KCNK10: variants seen among roughly 807,000 people sequenced by gnomAD.
KCNK10 encodes potassium two pore domain channel subfamily K member 10.
Under a neutral mutation model 47.7 loss-of-function variants are expected in KCNK10, and 25 were observed. The observed-to-expected ratio is 0.52, with a 90% CI of 0.38 to 0.73. KCNK10 has a LOEUF of 0.73. KCNK10 is among the 30% of genes least tolerant of loss of function. The pLI is 0.00. For synonymous variants in KCNK10, 303 were observed against 285.6 expected, an observed-to-expected ratio of 1.06 and a Z score of -0.61; for missense variants, 563 against 714.5, an observed-to-expected ratio of 0.79 and a Z score of 2.42.
In KCNK10 at chr14:88,323,219, C is replaced by T. The variant is rs1888588319; in HGVS notation, c.-421G>A. 5 of 1,030,912 alleles carry T rather than the reference C, an allele frequency of 4.9e-6. No homozygotes were observed. Among genetic ancestry groups the T allele is most frequent in the Non-Finnish European group, 5.8e-6 (5 of 857,170 alleles). 63.9% of individuals were successfully genotyped at this position (1,030,912 alleles called of 1,614,324 possible). The stretch of plus-strand genomic sequence containing the variant: ...ACTCCAGCCCCCGAAGGCGTGTGCG[C>T]ACACACTCCCGCACACACACACCCG... On this transcript the variant is annotated 5_prime_UTR_variant, in exon 1 of 7. Coordinates refer to ENST00000319231, the MANE Select transcript of KCNK10 (RefSeq NM_138317.3).
At chr14:88,296,380 T>C (rs1887984567) in intron 1 of KCNK10, among the ~76,000 whole-genome samples, 1 of 152,214 alleles carries the variant, frequency 6.6e-6, no homozygotes, top group East Asian at 1.9e-4. Context: ...ACTTATCTTG[T>C]AGAATTGTTA....
At chr14:88,290,937 A>C (rs905755984) in intron 1 of KCNK10, among the ~76,000 whole-genome samples, 16 of 152,208 alleles carry the variant, frequency 1.1e-4, no homozygotes, top group African/African-American at 3.9e-4. Flanking sequence ...CAGCGTCAGG[A>C]AACAGGCAGG....
chr14:88,261,860 T>C (rs1887122140), intron 2 of KCNK10, among the ~76,000 whole-genome samples: 1 of 152,204 alleles, frequency 6.6e-6, no homozygotes, highest in Non-Finnish European at 1.5e-5. Flanking sequence ...TAACATTTTA[T>C]TTTTTTGAGA....
chr14:88,188,116 A>G lies in KCNK10; in HGVS notation c.869-7T>C. The G allele has an allele frequency of 3.1e-6, 5 of 1,614,158 alleles. No homozygotes were observed. The highest frequency in any genetic ancestry group is 4.2e-6 in the Non-Finnish European group (5 of 1,179,988). ...TTGATGCCAGCGTTTCCCCCTGAAA[A>G]CAACCAAATGTTACTTTAACCATGA... On this transcript the variant is annotated splice_region_variant and splice_polypyrimidine_tract_variant and intron_variant, in intron 5 of 6. Transcript: ENST00000319231.
rs1884362920 is a variant in KCNK10 at position 88,181,656 on chromosome 14, AC to A, written c.*3878del. Reference sequence around the variant, plus strand: ...TACACAGGGCATGATCCGAATTTGGACACCAGTCTCCCAAGTACATCTGGTC... The same window carrying A: ...TACACAGGGCATGATCCGAATTTGGAACCAGTCTCCCAAGTACATCTGGTC... On this transcript the variant is annotated 3_prime_UTR_variant, in exon 7 of 7. Transcript: ENST00000319231. 6.6e-6 allele frequency: 1 copy of A among 152,304 alleles called. No individual in the cohort carries two copies. The highest frequency in any genetic ancestry group is 1.5e-5 in the Non-Finnish European group (1 of 68,048). 9.4% of individuals were successfully genotyped at this position (152,304 alleles called of 1,614,324 possible).
intron 6 of KCNK10, among the ~76,000 whole-genome samples, chr14:88,187,765 A>C (rs543259595): frequency 1.1e-4 from 16 of 152,248 alleles, no homozygotes; most frequent in Admixed American, 9.8e-4. Context: ...TCACCTGCCA[A>C]AAAAAGAATC....
chr14:88,312,735 T>C (rs576500460), intron 1 of KCNK10, among the ~76,000 whole-genome samples: 2 of 152,282 alleles, frequency 1.3e-5, no homozygotes, highest in East Asian at 3.9e-4. Flanking sequence ...TTTAAATTAA[T>C]GTTTACAGAT....
At chr14:88,200,707 T>C (rs1474130650) in intron 4 of KCNK10, among the ~76,000 whole-genome samples, 2 of 152,236 alleles carry the variant, frequency 1.3e-5, no homozygotes, top group Admixed American at 1.3e-4. Flanking sequence ...AACTTTTCTA[T>C]TCCTTTTTTC....
At chr14:88,205,839 G>A (rs1885256922) in intron 4 of KCNK10, among the ~76,000 whole-genome samples, 1 of 152,100 alleles carries the variant, frequency 6.6e-6, no homozygotes, top group South Asian at 2.1e-4. Context: ...ACCATGCCTG[G>A]CCCGTAGTGC....
chr14:88,249,633 G>A (rs914489992), intron 2 of KCNK10, among the ~76,000 whole-genome samples: 6 of 152,264 alleles, frequency 3.9e-5, no homozygotes, highest in Admixed American at 1.3e-4. Flanking sequence ...TGCCTTGGCC[G>A]GATCACAGTT....
intron 6 of KCNK10, among the ~76,000 whole-genome samples, chr14:88,187,747 A>C (rs1258856170): frequency 1.3e-5 from 2 of 152,052 alleles, no homozygotes; most frequent in African/African-American, 4.8e-5. Context: ...ACGAATCACC[A>C]TATTTTCTCA....
chr14:88,280,680 C>G (rs2139772168), intron 1 of KCNK10, among the ~76,000 whole-genome samples: 1 of 152,280 alleles, frequency 6.6e-6, no homozygotes, highest in Non-Finnish European at 1.5e-5. Context: ...TCCTGAGAGG[C>G]AGCCTTACTT....
At chr14:88,240,955 T>C (rs1443600645) in intron 2 of KCNK10, 135 bp from the exon 3 acceptor site, 1 of 564,160 alleles carries the variant, frequency 1.8e-6, no homozygotes. Flanking sequence ...ACTGGTTAAG[T>C]GGATGATGGT....
At position 88,323,071 on chromosome 14, in the gene KCNK10, G is replaced by A. The variant is rs1888583300; in HGVS notation, c.-273C>T. The A allele has an allele frequency of 7.8e-7, 1 of 1,280,532 alleles. No homozygotes were observed. The highest frequency in any genetic ancestry group is 3.7e-5 in the East Asian group (1 of 27,002). 79.3% of individuals were successfully genotyped at this position (1,280,532 alleles called of 1,614,324 possible). ...AAAGTAAGATCGGCGAGGGGTGGAT[G>A]AAAGGATGGAGAGGAAGGCTTGGGG... On this transcript the variant is annotated 5_prime_UTR_variant, in exon 1 of 7. Coordinates refer to ENST00000319231, the MANE Select transcript of KCNK10 (RefSeq NM_138317.3).
chr14:88,208,031 C>T (rs942556202), intron 4 of KCNK10, among the ~76,000 whole-genome samples: 1 of 152,188 alleles, frequency 6.6e-6, no homozygotes, highest in Admixed American at 6.5e-5. Flanking sequence ...CTGACATTCC[C>T]GTGGTGAAGC....
At chr14:88,224,816 G>A (rs1340774815) in intron 4 of KCNK10, among the ~76,000 whole-genome samples, 1 of 152,124 alleles carries the variant, frequency 6.6e-6, no homozygotes, top group Non-Finnish European at 1.5e-5. Flanking sequence ...CACCATCTTG[G>A]CCAGGATGGT....
intron 1 of KCNK10, among the ~76,000 whole-genome samples, chr14:88,307,128 G>A (rs1479392684): frequency 1.3e-5 from 2 of 152,146 alleles, no homozygotes; most frequent in African/African-American, 4.8e-5. Flanking sequence ...AGATGGACCT[G>A]AGCACAAATC....
chr14:88,254,707 C>T (rs1032704191), intron 2 of KCNK10, among the ~76,000 whole-genome samples: 2 of 152,110 alleles, frequency 1.3e-5, no homozygotes, highest in African/African-American at 2.4e-5. Context: ...TAAGCAATTG[C>T]GGCATGTGAG....
At chr14:88,317,959 G>A (rs1255333856) in intron 1 of KCNK10, among the ~76,000 whole-genome samples, 2 of 152,148 alleles carry the variant, frequency 1.3e-5, no homozygotes, top group East Asian at 3.9e-4. Context: ...GCTAATATGA[G>A]CCAAATTATT....
Sources: allele counts gnomAD v4.1 joint callset (sites outside exome capture counted in the v4.1 genomes callset), GRCh38; gene constraint gnomAD v4.1.1; transcripts MANE v1.5; gene names NCBI Gene and HGNC (gene_info 2026-07-23, HGNC 2026-07-21).